The following LEKR1 variants were observed in gnomAD, a reference collection of about 807,000 sequenced individuals.
LEKR1 encodes the protein protein LEKR1.
LEKR1 carries 59 observed loss-of-function variants against 72.4 expected under a neutral mutation model. That is an observed-to-expected ratio of 0.82 (90% CI 0.66 to 1.01). The LOEUF (loss-of-function observed/expected upper bound fraction) is 1.01, where lower values mean the gene tolerates loss of function less well. Among genes scored for constraint, LEKR1 ranks in the 50% least tolerant of loss-of-function variants. The probability of loss-of-function intolerance (pLI) is 0.00; values close to 1 mark genes in which losing one functional copy is unlikely to be tolerated. For synonymous variants in LEKR1, 257 were observed against 263.2 expected (o/e 0.98, Z 0.23); for missense variants, 728 against 759.2 (o/e 0.96, Z 0.48).
chr3:156,877,956 T>C (rs1718809787), intron 3 of LEKR1, among the ~76,000 whole-genome samples: 1 of 152,066 alleles, frequency 6.6e-6, no homozygotes, highest in Non-Finnish European at 1.5e-5. Context: ...CTAATTTTTG[T>C]ATTTTTGGTA....
chr3:156,879,552 TTC>T (rs1255672994), intron 3 of LEKR1, among the ~76,000 whole-genome samples: 1 of 152,182 alleles, frequency 6.6e-6, no homozygotes, highest in African/African-American at 2.4e-5. Flanking sequence ...TGAGGAGAAA[TTC>T]AAGCCAGCTA....
intron 3 of LEKR1, among the ~76,000 whole-genome samples, chr3:156,874,527 A>C (rs1011608618): frequency 8.1e-6 from 1 of 122,892 alleles, no homozygotes; most frequent in East Asian, 3.0e-4. Flanking sequence ...GTTATATGTG[A>C]TTTTTTTAAA....
chr3:156,950,443 C>T (rs1727053352), intron 6 of LEKR1, among the ~76,000 whole-genome samples: 1 of 151,268 alleles, frequency 6.6e-6, no homozygotes. Context: ...GGCCATTTTA[C>T]TGATATTGAT....
At chr3:157,021,130 GT>G (rs1244869304) in intron 10 of LEKR1, among the ~76,000 whole-genome samples, 1 of 151,878 alleles carries the variant, frequency 6.6e-6, no homozygotes, top group East Asian at 1.9e-4. Flanking sequence ...GGGGTTGTTT[GT>G]TTTTTTCTTG....
chr3:156,899,317 T>TATATATAC (rs201026893), intron 3 of LEKR1, among the ~76,000 whole-genome samples: 1 of 139,230 alleles, frequency 7.2e-6, no homozygotes, highest in Non-Finnish European at 1.5e-5. Context: ...TACACACATG[T>TATATATAC]ATATATACAT....
chr3:156,834,613 T>C (rs1485791204), intron 2 of LEKR1, among the ~76,000 whole-genome samples: 1 of 152,214 alleles, frequency 6.6e-6, no homozygotes, highest in Non-Finnish European at 1.5e-5. Flanking sequence ...ATGTATCAGA[T>C]TGCAGAGCCT....
intron 3 of LEKR1, among the ~76,000 whole-genome samples, chr3:156,859,925 C>G (rs1560031375): frequency 6.6e-6 from 1 of 152,134 alleles, no homozygotes. Context: ...TCTTGGAGCT[C>G]TTTTTTGTCT....
intron 1 of LEKR1, chr3:156,827,218 G>A (rs1355116498): frequency 1.3e-5 from 2 of 152,166 alleles, no homozygotes; most frequent in African/African-American, 4.8e-5. Flanking sequence ...TATTTAATAT[G>A]TATGCAAATG....
At chr3:156,876,542 T>C (rs897009486) in intron 3 of LEKR1, among the ~76,000 whole-genome samples, 2 of 152,204 alleles carry the variant, frequency 1.3e-5, no homozygotes, top group African/African-American at 4.8e-5. Context: ...TTTCACCTCC[T>C]TGGTTAGGTA....
intron 3 of LEKR1, among the ~76,000 whole-genome samples, chr3:156,896,105 G>A (rs1057141987): frequency 6.6e-6 from 1 of 152,170 alleles, no homozygotes; most frequent in South Asian, 2.1e-4. Flanking sequence ...ACTAATGCAG[G>A]AATAGAAAAC....
At chr3:156,969,322 T>C (rs1483522817) in intron 6 of LEKR1, among the ~76,000 whole-genome samples, 1 of 152,044 alleles carries the variant, frequency 6.6e-6, no homozygotes, top group East Asian at 1.9e-4. Flanking sequence ...AAAAAATCAA[T>C]GAATCCAGGA....
At chr3:156,827,247 T>A (rs1711742734) in intron 1 of LEKR1, 1 of 152,204 alleles carries the variant, frequency 6.6e-6, no homozygotes, top group African/African-American at 2.4e-5. Context: ...GACCTAGGAA[T>A]GCTTTTCTTG....
intron 5 of LEKR1, among the ~76,000 whole-genome samples, chr3:156,932,320 G>A (rs532775619): frequency 3.0e-4 from 45 of 152,160 alleles, no homozygotes; most frequent in East Asian, 1.2e-3. Flanking sequence ...TAATATGTGC[G>A]TTCAGAAATG....
chr3:156,946,972 T>G (rs950196906), intron 6 of LEKR1, among the ~76,000 whole-genome samples: 2 of 151,388 alleles, frequency 1.3e-5, no homozygotes, highest in African/African-American at 4.8e-5. Flanking sequence ...TAATGTCTCC[T>G]TTTTCATGTC....
intron 6 of LEKR1, among the ~76,000 whole-genome samples, chr3:156,974,486 A>G (rs1342877784): frequency 6.6e-6 from 1 of 152,130 alleles, no homozygotes; most frequent in Non-Finnish European, 1.5e-5. Context: ...CCTTGTTACC[A>G]TATTCACCTC....
chr3:156,844,470 A>G (rs768100031), intron 2 of LEKR1, among the ~76,000 whole-genome samples: 3 of 152,116 alleles, frequency 2.0e-5, no homozygotes, highest in Non-Finnish European at 4.4e-5. Context: ...CATCACAACA[A>G]GGATTTTTCA....
chr3:156,878,302 C>T (rs1229466817), intron 3 of LEKR1, among the ~76,000 whole-genome samples: 3 of 151,842 alleles, frequency 2.0e-5, no homozygotes, highest in Admixed American at 2.0e-4. Context: ...TTGCTGTATC[C>T]CAGAGGTTTT....
chr3:156,827,369 T>G (rs1711758138), intron 1 of LEKR1, among the ~76,000 whole-genome samples: 1 of 152,198 alleles, frequency 6.6e-6, no homozygotes, highest in Non-Finnish European at 1.5e-5. Context: ...TGTAAACACC[T>G]GTTTCGTTAT....
chr3:157,028,650 G>A (rs1341727982), intron 12 of LEKR1, among the ~76,000 whole-genome samples: 2 of 152,096 alleles, frequency 1.3e-5, no homozygotes, highest in African/African-American at 2.4e-5. Context: ...AGTTTCCTTA[G>A]CACCTAGTTC....
Sources: allele counts gnomAD v4.1 joint callset (sites outside exome capture counted in the v4.1 genomes callset), GRCh38; gene constraint gnomAD v4.1.1; transcripts MANE v1.5; gene names NCBI Gene and HGNC (gene_info 2026-07-23, HGNC 2026-07-21).